The following PPIL4 variants were observed in gnomAD, a reference collection of about 807,000 sequenced individuals.
PPIL4 encodes peptidyl-prolyl cis-trans isomerase-like 4.
In PPIL4, 50 loss-of-function variants were observed where a neutral mutation model predicts 69.1. That is an observed-to-expected ratio of 0.72 (90% CI 0.58 to 0.92). PPIL4 has a LOEUF of 0.92. Ranked by LOEUF, PPIL4 falls within the 40% of genes least tolerant of loss-of-function variation. The pLI, the probability that PPIL4 is intolerant of heterozygous loss-of-function variation, is 0.00. For missense variants in PPIL4, 480 were observed against 587.9 expected, an observed-to-expected ratio of 0.82 and a Z score of 1.90; for synonymous variants, 193 against 191.6, an observed-to-expected ratio of 1.01 and a Z score of -0.06.
At chr6:149,523,124 G>A (rs1777057344) in intron 9 of PPIL4, among the ~76,000 whole-genome samples, 1 of 152,002 alleles carries the variant, frequency 6.6e-6, no homozygotes, top group African/African-American at 2.4e-5. Flanking sequence ...GAAAAATACT[G>A]ACAACCTGAA....
At chr6:149,524,613 A>C (rs1252631739) in intron 9 of PPIL4, among the ~76,000 whole-genome samples, 1 of 152,210 alleles carries the variant, frequency 6.6e-6, no homozygotes, top group African/African-American at 2.4e-5. Flanking sequence ...AAAAGTTCTA[A>C]GATTGGCTGA....
rs148096937 is a variant in PPIL4, at chr6:149,528,375, T to A, written c.679-1599A>T. ...AAAAGTTAATGAGTCAAAAAAGAAC[T>A]TGCTATAGTACTTGGTCAAAGCTAA... On this transcript the variant is annotated intron_variant, in intron 7 of 12. Coordinates refer to ENST00000253329, the MANE Select transcript of PPIL4 (RefSeq NM_139126.4). 2.4e-4 allele frequency among the ~76,000 whole-genome samples: 36 copies of A among 152,300 alleles called. No individual in the cohort carries two copies. In the East Asian group the frequency reaches 6.9e-3, roughly 29 times the overall value.
Position 149,534,820 on chromosome 6 carries a change from C to A in PPIL4, c.465-46G>T, listed in dbSNP as rs765502164. The A allele has an allele frequency of 3.5e-6, 4 of 1,127,024 alleles. No homozygotes were observed. The African/African-American group carries it at 4.7e-5, about 13-fold the overall frequency. 69.8% of individuals were successfully genotyped at this position (1,127,024 alleles called of 1,614,324 possible). ...CAAATGTTATACATTGAAGTTATTT[C>A]AGAATCCTATTTTATTTTAATAGAT... is the stretch of plus-strand genomic sequence containing the variant. On this transcript the variant is annotated intron_variant, in intron 5 of 12. Coordinates refer to ENST00000253329, the MANE Select transcript of PPIL4 (RefSeq NM_139126.4).
chr6:149,525,203 T>C lies in PPIL4; in HGVS notation c.810A>G (p.Glu270=). 1 of 1,541,034 alleles carries C rather than the reference T, an allele frequency of 6.5e-7. No homozygotes were observed. Among genetic ancestry groups the C allele is most frequent in the East Asian group, 2.3e-5 (1 of 43,798 alleles). Residue 270 remains glutamate (E), a synonymous_variant, in exon 9 of 13, where the codon GAA becomes GAG. Coordinates refer to ENST00000253329, the MANE Select transcript of PPIL4 (RefSeq NM_139126.4). ...FSRFGPIRSC[E]VIRDWKTGES... ...CTCCTGTCTTCCAGTCTCGGATAAC[T>C]TCACAACTGAAAGAAAGTATTTAAA...
intron 10 of PPIL4, among the ~76,000 whole-genome samples, chr6:149,518,770 C>T (rs376190234): frequency 1.6e-4 from 24 of 152,172 alleles, no homozygotes; most frequent in African/African-American, 5.8e-4. Context: ...AGAAAGGGCA[C>T]CAGATTAATG....
chr6:149,505,349 A>G lies in PPIL4; in HGVS notation c.*104T>C. 9.0e-7 allele frequency: 1 copy of G among 1,109,538 alleles called. No individual in the cohort carries two copies. Among genetic ancestry groups the G allele is most frequent in the Non-Finnish European group, 1.3e-6 (1 of 771,148 alleles). The allele number at this position is 1,109,538 out of a possible 1,614,324, so 68.7% of individuals were successfully genotyped here. A position where few individuals can be genotyped will look rare whatever the true frequency, so the allele number is the denominator to read the frequency against. On this transcript the variant is annotated 3_prime_UTR_variant, in exon 13 of 13. Coordinates refer to ENST00000253329, the MANE Select transcript of PPIL4 (RefSeq NM_139126.4). The stretch of plus-strand genomic sequence containing the variant: ...CTAAAGACCATAATCCTAGTATGAA[A>G]AAAATAACAAGCTTTGACACAAAAT...
At chr6:149,529,468 A>C (rs972340128) in intron 7 of PPIL4, among the ~76,000 whole-genome samples, 1 of 151,796 alleles carries the variant, frequency 6.6e-6, no homozygotes, top group South Asian at 2.1e-4. Context: ...AAAATTAAAA[A>C]AAATTAAAAA....
At chr6:149,540,861 G>T (rs1286753383) in intron 4 of PPIL4, 81 bp downstream of exon 4, 5 of 833,138 alleles carry the variant, frequency 6.0e-6, no homozygotes, top group African/African-American at 3.3e-5. Flanking sequence ...AGCCTTACTG[G>T]ATAGTTTAAA....
chr6:149,543,297 C>CA (rs1044738538), intron 1 of PPIL4, among the ~76,000 whole-genome samples: 1 of 152,032 alleles, frequency 6.6e-6, no homozygotes, highest in Non-Finnish European at 1.5e-5. Context: ...ACAGGGGACA[C>CA]AAAAATATGT....
At chr6:149,525,408 C>G (rs1777092128) in intron 8 of PPIL4, among the ~76,000 whole-genome samples, 199 bp from the exon 9 acceptor site, 1 of 152,148 alleles carries the variant, frequency 6.6e-6, no homozygotes, top group Non-Finnish European at 1.5e-5. Context: ...TATCTAAATT[C>G]TACTCTAAGT....
At position 149,505,443 on chromosome 6, in the gene PPIL4, T is replaced by A. The variant is rs1776754337; in HGVS notation, c.*10A>T. On this transcript the variant is annotated 3_prime_UTR_variant, in exon 13 of 13. Transcript: ENST00000253329. ...AATATGTTAGCCTCTCAATTCTGCCTCTTCATCTTTCATCTATACTTAGAT... is the reference window on the plus strand; with the variant it reads ...AATATGTTAGCCTCTCAATTCTGCCACTTCATCTTTCATCTATACTTAGAT... The A allele has an allele frequency of 6.2e-7, 1 of 1,606,864 alleles. No homozygotes were observed. Among genetic ancestry groups the A allele is most frequent in the Admixed American group, 1.7e-5 (1 of 58,670 alleles).
chr6:149,514,900 G>A (rs183271689), intron 11 of PPIL4, among the ~76,000 whole-genome samples: 55 of 151,116 alleles, frequency 3.6e-4, no homozygotes, highest in South Asian at 8.4e-4. Context: ...ACAATGGCGC[G>A]ATCTTGGCTC....
intron 11 of PPIL4, among the ~76,000 whole-genome samples, chr6:149,516,636 G>A (rs1583205168): frequency 6.6e-6 from 1 of 152,262 alleles, no homozygotes; most frequent in East Asian, 1.9e-4. Flanking sequence ...TAAACAGTAT[G>A]TTTCATTACT....
chr6:149,518,120 G>C (rs1413792731), intron 10 of PPIL4, among the ~76,000 whole-genome samples: 2 of 152,148 alleles, frequency 1.3e-5, no homozygotes, highest in African/African-American at 4.8e-5. Context: ...TAGCACCAAA[G>C]ACAAACTGTC....
chr6:149,523,987 A>T (rs1056863640), intron 9 of PPIL4, among the ~76,000 whole-genome samples: 1 of 152,186 alleles, frequency 6.6e-6, no homozygotes, highest in Non-Finnish European at 1.5e-5. Context: ...TCCATGATTC[A>T]TCTTGTATCC....
intron 1 of PPIL4, 27 bp from the exon 2 acceptor site, chr6:149,541,613 T>A: frequency 8.1e-7 from 1 of 1,230,348 alleles, no homozygotes; most frequent in Non-Finnish European, 1.2e-6. Context: ...ACCAAATTTA[T>A]CACAGTAATC....
intron 8 of PPIL4, 36 bp from the exon 9 acceptor site, chr6:149,525,245 A>G (rs1161626547): frequency 1.7e-6 from 2 of 1,193,408 alleles, no homozygotes; most frequent in Non-Finnish European, 2.4e-6. Flanking sequence ...TTAAAAAAAA[A>G]AAAAAGGAAG....
intron 4 of PPIL4, among the ~76,000 whole-genome samples, chr6:149,539,113 G>T (rs1777323295): frequency 2.0e-5 from 3 of 152,096 alleles, no homozygotes; most frequent in Admixed American, 6.6e-5. Flanking sequence ...TCCCAAAGTG[G>T]TGGGACTACA....
intron 12 of PPIL4, among the ~76,000 whole-genome samples, chr6:149,505,930 G>T (rs116583274): frequency 1.3e-5 from 2 of 152,140 alleles, no homozygotes; most frequent in African/African-American, 4.8e-5. Flanking sequence ...TGGCTGAAAC[G>T]AAGGATCAGC....
Sources: gnomAD v4.1 joint callset for allele counts (sites outside exome capture counted in the v4.1 genomes callset) on GRCh38, gnomAD v4.1.1 for gene constraint, MANE v1.5 for transcripts, NCBI Gene and HGNC (gene_info 2026-07-23, HGNC 2026-07-21) for gene names.